Variants in FGL1 observed in about 807,000 individuals in gnomAD.
The protein encoded by FGL1 is fibrinogen-like protein 1.
A neutral mutation model predicts 43.7 loss-of-function variants in FGL1; 59 were observed. The ratio of observed to expected loss-of-function variants is 1.35; its 90% CI spans 1.10 to 1.68. The LOEUF is 1.68. FGL1 is among the 40% of genes most tolerant of loss of function. The pLI, the probability that FGL1 is intolerant of heterozygous loss-of-function variation, is 0.00. For synonymous variants in FGL1, 192 were observed against 126.5 expected, an observed-to-expected ratio of 1.52 and a Z score of -3.48; for missense variants, 596 against 373.0, an observed-to-expected ratio of 1.60 and a Z score of -4.92.
intron 5 of FGL1, among the ~76,000 whole-genome samples, chr8:17,872,800 T>C (rs2053384391): frequency 6.6e-6 from 1 of 152,200 alleles, no homozygotes; most frequent in South Asian, 2.1e-4. Flanking sequence ...AAAACAATGA[T>C]ATTTTAGACA....
At chr8:17,875,980 T>G (rs1292233345) in intron 3 of FGL1, among the ~76,000 whole-genome samples, 3 of 152,166 alleles carry the variant, frequency 2.0e-5, no homozygotes, top group African/African-American at 4.8e-5. Flanking sequence ...CCTAGGTTGA[T>G]CTGTACAGAC....
Position 17,874,575 on chromosome 8 carries a change from G to A in FGL1, c.245-54C>T, listed in dbSNP as rs2517294. On this transcript the variant is annotated intron_variant, in intron 3 of 7. Coordinates refer to ENST00000427924, the MANE Select transcript of FGL1 (RefSeq NM_004467.4). ...TCATTATGTGTCTTTTTCTCCCCCC[G>A]CCTTAGGGAGCCTCTGAATGAGACT... 3.7e-4 allele frequency: 541 copies of A among 1,452,184 alleles called. 5 individuals are homozygous for A. The Middle Eastern group carries it at 0.015, about 40-fold the overall frequency. The allele number at this position is 1,452,184 out of a possible 1,614,324, so 90.0% of individuals were successfully genotyped here.
chr8:17,889,341 G>C (rs543617122), intron 1 of FGL1, among the ~76,000 whole-genome samples: 44 of 152,304 alleles, frequency 2.9e-4, no homozygotes, highest in Admixed American at 7.2e-4. Flanking sequence ...CCAGAGGCCA[G>C]GAGTTCAAGA....
intron 2 of FGL1, 107 bp from the exon 3 acceptor site, chr8:17,882,286 A>T: frequency 1.0e-6 from 1 of 985,136 alleles, no homozygotes. Flanking sequence ...TCCAGTTCCC[A>T]TTTCAGAATA....
chr8:17,875,763 C>G (rs1398041605), intron 3 of FGL1, among the ~76,000 whole-genome samples: 1 of 151,994 alleles, frequency 6.6e-6, no homozygotes, highest in African/African-American at 2.4e-5. Context: ...CACCTACACA[C>G]CTGGCTAATT....
chr8:17,870,645 G>A (rs747765978), intron 5 of FGL1, among the ~76,000 whole-genome samples: 16 of 152,154 alleles, frequency 1.1e-4, no homozygotes, highest in Admixed American at 2.0e-4. Flanking sequence ...GGACATCCCA[G>A]GCTGCATATC....
rs763345269 is a variant in FGL1 at position 17,885,581 on chromosome 8, CA to C, written c.-17-11del. 3.1e-6 allele frequency: 5 copies of C among 1,610,116 alleles called. No homozygotes were observed. Among genetic ancestry groups the C allele is most frequent in the Non-Finnish European group, 2.5e-6 (3 of 1,178,042 alleles). ...TTCCCCCTTGAAAAAACTGCAAGAA[CA>C]AAAAGAATTTTATAAATGTATCAAC... On this transcript the variant is annotated splice_polypyrimidine_tract_variant and intron_variant, in intron 1 of 7. Coordinates refer to ENST00000427924, the MANE Select transcript of FGL1 (RefSeq NM_004467.4).
chr8:17,872,933 C>T (rs753559459), intron 5 of FGL1, among the ~76,000 whole-genome samples: 19 of 151,938 alleles, frequency 1.3e-4, no homozygotes, highest in Non-Finnish European at 1.9e-4. Flanking sequence ...AATGGGCAAA[C>T]GGATAGATAC....
At chr8:17,878,512 T>G (rs1249391471) in intron 3 of FGL1, among the ~76,000 whole-genome samples, 1 of 152,152 alleles carries the variant, frequency 6.6e-6, no homozygotes. Flanking sequence ...CCAGTGGTGT[T>G]GTCAAGTGAA....
At chr8:17,876,491 C>A (rs1563453122) in intron 3 of FGL1, among the ~76,000 whole-genome samples, 1 of 152,130 alleles carries the variant, frequency 6.6e-6, no homozygotes, top group Non-Finnish European at 1.5e-5. Flanking sequence ...TTTCAAGATT[C>A]AGAAGCACAT....
chr8:17,883,405 A>C (rs1353126136), intron 2 of FGL1, among the ~76,000 whole-genome samples: 2 of 57,394 alleles, frequency 3.5e-5, no homozygotes, highest in Non-Finnish European at 7.2e-5. Flanking sequence ...AATATATAAT[A>C]TATATTACAA....
At chr8:17,876,028 A>G (rs1458186031) in intron 3 of FGL1, among the ~76,000 whole-genome samples, 3 of 152,178 alleles carry the variant, frequency 2.0e-5, no homozygotes, top group Admixed American at 1.3e-4. Flanking sequence ...TCTATTGTTC[A>G]GATGCATAGA....
rs1208572003 is a variant in FGL1 at position 17,875,533 on chromosome 8, T to TTCTTTCTC, written c.245-1013_245-1012insGAGAAAGA. On this transcript the variant is annotated intron_variant, in intron 3 of 7. Transcript: ENST00000427924. ...TTTCTTTCTTTCTTTCTTTCTTTCTTTCTCTTTCTTTCTTTCTTTCTTTCT... is the reference window on the plus strand; with the variant it reads ...TTTCTTTCTTTCTTTCTTTCTTTCTTTCTTTCTCTCTCTTTCTTTCTTTCTTTCTTTCT... Among the ~76,000 whole-genome samples, 10 of 11,844 alleles carry TTCTTTCTC rather than the reference T, an allele frequency of 8.4e-4. 2 individuals carry two copies. The highest frequency in any genetic ancestry group is 2.1e-3 in the African/African-American group (9 of 4,300). 7.8% of individuals were successfully genotyped at this position (11,844 alleles called of 152,430 possible).
intron 2 of FGL1, among the ~76,000 whole-genome samples, chr8:17,884,545 G>C (rs899298438): frequency 6.6e-6 from 1 of 152,054 alleles, no homozygotes; most frequent in Admixed American, 6.6e-5. Context: ...CTAACACTCA[G>C]ATTTATCCCT....
chr8:17,870,864 C>T (rs891468409), intron 5 of FGL1, among the ~76,000 whole-genome samples: 1 of 151,834 alleles, frequency 6.6e-6, no homozygotes, highest in African/African-American at 2.4e-5. Context: ...CGAGATCGCG[C>T]CACTGCACTC....
intron 1 of FGL1, chr8:17,891,500 T>A: frequency 1.2e-5 from 2 of 161,792 alleles, no homozygotes; most frequent in Non-Finnish European, 2.6e-5. Context: ...GATTAGGGTC[T>A]GCCCTAATCC....
Position 17,864,475 on chromosome 8 carries a change from T to C in FGL1, c.*117A>G, listed in dbSNP as rs1016. The C allele has an allele frequency of 0.022, 24,172 of 1,097,318 alleles. 434 individuals are homozygous for C. The highest frequency in any genetic ancestry group is 0.048 in the South Asian group (2,679 of 55,806). 68.0% of individuals were successfully genotyped at this position (1,097,318 alleles called of 1,614,324 possible). A position where few individuals can be genotyped will look rare whatever the true frequency, so the allele number is the denominator to read the frequency against. ...AAGTAACAAAGGCAAGTGAGAAGAA[T>C]GAAAAGCACTACTCACAACAGTTAT... On this transcript the variant is annotated 3_prime_UTR_variant, in exon 8 of 8. Coordinates refer to ENST00000427924, the MANE Select transcript of FGL1 (RefSeq NM_004467.4).
chr8:17,892,676 G>T (rs923897586), intron 1 of FGL1, among the ~76,000 whole-genome samples: 2 of 152,078 alleles, frequency 1.3e-5, no homozygotes, highest in African/African-American at 2.4e-5. Context: ...CTAAGGATTA[G>T]TAGTAAAAAT....
intron 5 of FGL1, 61 bp from the exon 6 acceptor site, chr8:17,869,065 G>T (rs145867321): frequency 2.0e-6 from 2 of 1,018,176 alleles, no homozygotes; most frequent in East Asian, 2.5e-5. Flanking sequence ...GGACTACTGC[G>T]GTTTAAAAAT....
Sources: allele counts gnomAD v4.1 joint callset (sites outside exome capture counted in the v4.1 genomes callset), GRCh38; gene constraint gnomAD v4.1.1; transcripts MANE v1.5; gene names NCBI Gene and HGNC (gene_info 2026-07-23, HGNC 2026-07-21).